CACHD1: variants seen among roughly 807,000 people sequenced by gnomAD.
The protein encoded by CACHD1 is VWFA and cache domain-containing protein 1.
In CACHD1, 71 loss-of-function variants were observed where a neutral mutation model predicts 138.7. That is an observed-to-expected ratio of 0.51 (90% CI 0.42 to 0.62). The LOEUF (loss-of-function observed/expected upper bound fraction) is 0.62, where lower values mean the gene tolerates loss of function less well. Among genes scored for constraint, CACHD1 ranks in the 20% least tolerant of loss-of-function variants. The pLI is 0.00. For synonymous variants in CACHD1, 578 were observed against 591.5 expected (o/e 0.98, Z 0.33); for missense variants, 1,389 against 1,625.3 (o/e 0.85, Z 2.50).
chr1:64,636,258 C>A (rs4244161), intron 7 of CACHD1, among the ~76,000 whole-genome samples: 150,899 of 152,376 alleles, frequency 0.99, 74,740 homozygotes, highest in East Asian at 1. Context: ...CATAGTGCCT[C>A]GCACATAATG....
chr1:64,489,117 T>A (rs1646259666), intron 1 of CACHD1, among the ~76,000 whole-genome samples: 1 of 152,182 alleles, frequency 6.6e-6, no homozygotes, highest in African/African-American at 2.4e-5. Context: ...AGCTAGTCTG[T>A]CCCAAGCTGT....
intron 4 of CACHD1, among the ~76,000 whole-genome samples, chr1:64,608,133 C>T (rs1292812066): frequency 6.6e-6 from 1 of 152,132 alleles, no homozygotes; most frequent in Non-Finnish European, 1.5e-5. Flanking sequence ...GAGTTGTTCT[C>T]AGCACAGTTG....
chr1:64,517,395 T>C (rs752412057), intron 1 of CACHD1, among the ~76,000 whole-genome samples: 2 of 152,146 alleles, frequency 1.3e-5, no homozygotes, highest in African/African-American at 2.4e-5. Flanking sequence ...GAATGGCTAG[T>C]ACTATTCAAT....
At chr1:64,495,358 G>A (rs1381225522) in intron 1 of CACHD1, among the ~76,000 whole-genome samples, 2 of 152,186 alleles carry the variant, frequency 1.3e-5, no homozygotes, top group African/African-American at 4.8e-5. Context: ...AGTATACAGT[G>A]TCTATGCTAT....
intron 3 of CACHD1, among the ~76,000 whole-genome samples, chr1:64,594,604 A>C (rs1214357150): frequency 6.6e-6 from 1 of 152,208 alleles, no homozygotes; most frequent in Non-Finnish European, 1.5e-5. Flanking sequence ...TCTGCTGAGA[A>C]TCTAGCTTCC....
rs1336588344 is a variant in CACHD1 at position 64,692,560 on chromosome 1, T to C, written c.*999T>C. On this transcript the variant is annotated 3_prime_UTR_variant, in exon 27 of 27. Coordinates refer to ENST00000651257, the MANE Select transcript of CACHD1 (RefSeq NM_020925.4). ...TTTAGAGACTACAAATTTTTAAATATCCCATTTTGACTGAGAATATTGACA... is the reference window on the plus strand; with the variant it reads ...TTTAGAGACTACAAATTTTTAAATACCCCATTTTGACTGAGAATATTGACA... The C allele has an allele frequency of 2.6e-5, 4 of 152,188 alleles. No homozygotes were observed. The highest frequency in any genetic ancestry group is 9.7e-5 in the African/African-American group (4 of 41,438). 9.4% of individuals were successfully genotyped at this position (152,188 alleles called of 1,614,324 possible).
chr1:64,666,473 A>G (rs1016344427), intron 16 of CACHD1, among the ~76,000 whole-genome samples: 7 of 152,228 alleles, frequency 4.6e-5, no homozygotes, highest in Admixed American at 3.3e-4. Context: ...GTTGGAGTCT[A>G]AAGAGCAGTT....
chr1:64,637,725 T>A (rs1266664010), intron 7 of CACHD1, among the ~76,000 whole-genome samples: 1 of 152,228 alleles, frequency 6.6e-6, no homozygotes, highest in Non-Finnish European at 1.5e-5. Context: ...AAGATGTTTC[T>A]AAGGCTTAGC....
At chr1:64,485,998 T>C (rs1041704845) in intron 1 of CACHD1, among the ~76,000 whole-genome samples, 1 of 152,200 alleles carries the variant, frequency 6.6e-6, no homozygotes, top group African/African-American at 2.4e-5. Flanking sequence ...ATGAAAGTCC[T>C]GGTTGCTCCA....
chr1:64,544,323 A>G (rs1156959504), intron 1 of CACHD1, among the ~76,000 whole-genome samples: 2 of 152,200 alleles, frequency 1.3e-5, no homozygotes, highest in Non-Finnish European at 2.9e-5. Flanking sequence ...TGTAGCATTC[A>G]TTTCAATATC....
chr1:64,504,267 C>T (rs1646355517), intron 1 of CACHD1, among the ~76,000 whole-genome samples: 1 of 152,154 alleles, frequency 6.6e-6, no homozygotes, highest in Non-Finnish European at 1.5e-5. Context: ...AAGCTCAAAC[C>T]ATCCCACCTG....
In CACHD1 at chr1:64,516,140, T is replaced by G. The variant is rs77260388; in HGVS notation, c.199-34454T>G. 5.2e-3 allele frequency among the ~76,000 whole-genome samples: 792 copies of G among 152,318 alleles called. 7 individuals carry two copies. Among genetic ancestry groups the G allele is most frequent in the African/African-American group, 0.018 (760 of 41,580 alleles). On this transcript the variant is annotated intron_variant, in intron 1 of 26. Transcript: ENST00000651257. ...CAACATTTTCAAATTAGTTTTAAGT[T>G]AAGGACAAAGTAACATGGGTTCTTC...
chr1:64,690,630 G>A (rs983803156), intron 26 of CACHD1, among the ~76,000 whole-genome samples: 1 of 152,208 alleles, frequency 6.6e-6, no homozygotes, highest in Non-Finnish European at 1.5e-5. Context: ...TGTGGAGTTA[G>A]TGTTTCATTA....
chr1:64,522,833 G>A lies in CACHD1; in HGVS notation c.199-27761G>A, dbSNP rs562593690. 3.3e-5 allele frequency among the ~76,000 whole-genome samples: 5 copies of A among 152,304 alleles called. No homozygotes were observed. The South Asian group carries it at 8.3e-4, about 25-fold the overall frequency. ...AAATCCTAATGATGAAAATCCCAGT[G>A]AGAAAAATGGCTTCCTGTATTTTAT... On this transcript the variant is annotated intron_variant, in intron 1 of 26. Transcript: ENST00000651257.
intron 4 of CACHD1, among the ~76,000 whole-genome samples, chr1:64,618,947 C>T (rs552462988): frequency 5.6e-4 from 85 of 152,238 alleles, no homozygotes; most frequent in Non-Finnish European, 1.0e-3. Context: ...AGGCAATAAG[C>T]TTTCCATTAC....
At chr1:64,478,401 G>A (rs966530670) in intron 1 of CACHD1, among the ~76,000 whole-genome samples, 1 of 152,158 alleles carries the variant, frequency 6.6e-6, no homozygotes, top group African/African-American at 2.4e-5. Context: ...TCTACTGCTT[G>A]TCCCTGTTCT....
At chr1:64,681,903 G>C in intron 25 of CACHD1, 102 bp from the exon 26 acceptor site, 4 of 999,434 alleles carry the variant, frequency 4.0e-6, no homozygotes, top group Non-Finnish European at 6.2e-6. Context: ...TTTCCAAAGA[G>C]AATTCTCCCA....
intron 1 of CACHD1, among the ~76,000 whole-genome samples, chr1:64,542,419 TC>T (rs1293817808): frequency 1.3e-5 from 2 of 152,132 alleles, no homozygotes; most frequent in Non-Finnish European, 2.9e-5. Context: ...TTCTCGCAAG[TC>T]ACTGTGCCAT....
intron 5 of CACHD1, among the ~76,000 whole-genome samples, chr1:64,631,580 A>G (rs1436753): frequency 0.87 from 131,572 of 152,088 alleles, 57,785 homozygotes; most frequent in East Asian, 1. Flanking sequence ...TAGTGTTTTA[A>G]GGATGTCAGT....
Sources: gnomAD v4.1 joint callset for allele counts (sites outside exome capture counted in the v4.1 genomes callset) on GRCh38, gnomAD v4.1.1 for gene constraint, MANE v1.5 for transcripts, NCBI Gene and HGNC (gene_info 2026-07-23, HGNC 2026-07-21) for gene names.